The following KIF26B variants were observed in gnomAD, a reference collection of about 807,000 sequenced individuals.
KIF26B encodes the protein kinesin family member 26B.
KIF26B carries 63 observed loss-of-function variants against 151.2 expected under a neutral mutation model. The ratio of observed to expected loss-of-function variants is 0.42; its 90% CI spans 0.34 to 0.51. The LOEUF (loss-of-function observed/expected upper bound fraction) is 0.51, where lower values mean the gene tolerates loss of function less well. Among genes scored for constraint, KIF26B ranks in the 20% least tolerant of loss-of-function variants. The pLI is 0.07. For synonymous variants in KIF26B, 1,357 were observed against 1,262.1 expected (o/e 1.08, Z -1.59); for missense variants, 2,813 against 2,913.6 (o/e 0.97, Z 0.79).
chr1:245,165,343 G>T (rs1050464227), intron 2 of KIF26B, among the ~76,000 whole-genome samples: 1 of 152,190 alleles, frequency 6.6e-6, no homozygotes, highest in Non-Finnish European at 1.5e-5. Context: ...TGTGTGGGTG[G>T]TGCTGCCAGT....
At chr1:245,192,402 G>T (rs945960973) in intron 2 of KIF26B, among the ~76,000 whole-genome samples, 18 of 151,460 alleles carry the variant, frequency 1.2e-4, no homozygotes, top group Admixed American at 3.9e-4. Context: ...ATTGATGGCT[G>T]CTGGTCTCCC....
rs530307466 is a variant in KIF26B, at chr1:245,605,478, G to T, written c.1558-2173G>T. Among the ~76,000 whole-genome samples, 33 of 152,336 alleles carry T rather than the reference G, an allele frequency of 2.2e-4. 1 individual carries two copies. The highest frequency in any genetic ancestry group is 6.7e-4 in the African/African-American group (28 of 41,590). On this transcript the variant is annotated intron_variant, in intron 6 of 14. Coordinates refer to ENST00000407071, the MANE Select transcript of KIF26B (RefSeq NM_018012.4). ...TCGTTTCTAAGGAAATCAGCTTCCT[G>T]AAGCTAAACAGTGATTAGAACAGTC...
rs372284073 is a variant in KIF26B, at chr1:245,580,548, G to A, written c.1351-22029G>A. 1.8e-4 allele frequency among the ~76,000 whole-genome samples: 27 copies of A among 152,362 alleles called. No individual in the cohort carries two copies. The East Asian group carries it at 3.5e-3, about 20-fold the overall frequency. On this transcript the variant is annotated intron_variant, in intron 5 of 14. Transcript: ENST00000407071. ...AGGGAACCATGTTGGGGGGACAGAGGAAAGGAAGGTGTGGCGGAGCCTCCG... is the reference window on the plus strand; with the variant it reads ...AGGGAACCATGTTGGGGGGACAGAGAAAAGGAAGGTGTGGCGGAGCCTCCG...
intron 5 of KIF26B, among the ~76,000 whole-genome samples, chr1:245,568,643 A>G (rs1464892088): frequency 6.6e-6 from 1 of 152,228 alleles, no homozygotes; most frequent in Admixed American, 6.5e-5. Context: ...CAGCAACATC[A>G]CAGCTGGCCC....
At chr1:245,409,576 T>C (rs527726059) in intron 3 of KIF26B, among the ~76,000 whole-genome samples, 1 of 152,338 alleles carries the variant, frequency 6.6e-6, no homozygotes, top group South Asian at 2.1e-4. Context: ...AATTCTCTTT[T>C]GCAAGAGGTC....
chr1:245,354,849 G>A (rs1672650132), intron 2 of KIF26B, among the ~76,000 whole-genome samples: 1 of 152,254 alleles, frequency 6.6e-6, no homozygotes, highest in Admixed American at 6.5e-5. Flanking sequence ...GGAATCAGAG[G>A]AGAGCACCTA....
At chr1:245,614,026 G>A (rs1016053771) in intron 9 of KIF26B, among the ~76,000 whole-genome samples, 2 of 152,150 alleles carry the variant, frequency 1.3e-5, no homozygotes, top group African/African-American at 4.8e-5. Flanking sequence ...CCAGGATATC[G>A]TGGGAATGGA....
intron 3 of KIF26B, among the ~76,000 whole-genome samples, chr1:245,374,647 C>G (rs1489889575): frequency 1.3e-5 from 2 of 152,136 alleles, no homozygotes; most frequent in African/African-American, 4.8e-5. Context: ...CACGATTAGA[C>G]CAATTATGAC....
At chr1:245,281,282 T>G (rs1671044964) in intron 2 of KIF26B, among the ~76,000 whole-genome samples, 1 of 77,474 alleles carries the variant, frequency 1.3e-5, no homozygotes, top group South Asian at 4.5e-4. Flanking sequence ...TCCTGACTTT[T>G]TAATGATTGC....
At chr1:245,428,994 G>C (rs1025238363) in intron 4 of KIF26B, among the ~76,000 whole-genome samples, 1 of 150,736 alleles carries the variant, frequency 6.6e-6, no homozygotes. Flanking sequence ...GGGGGTGGGG[G>C]GCAGTGGTTA....
rs1672970011 is a variant in KIF26B, at chr1:245,366,994, C to A, written c.626C>A (p.Ala209Asp). 1 of 1,613,714 alleles carries A rather than the reference C, an allele frequency of 6.2e-7. No homozygotes were observed. The highest frequency in any genetic ancestry group is 1.3e-5 in the African/African-American group (1 of 74,926). Residue 209 changes from alanine to aspartate, a missense_variant, in exon 3 of 15, where the codon GCC (alanine) becomes GAC (aspartate). Around this residue, in one of 3 missense-constraint regions of KIF26B, gnomAD observed 676 missense variants for 688.1 expected, o/e 0.98. Transcript: ENST00000407071. Reference sequence around the variant, plus strand: ...ATGGTGCTGACGTTGGAGCAGGCAGCCGGCAGTGAGCACTACGACGCCTCG... The same window carrying A: ...ATGGTGCTGACGTTGGAGCAGGCAGACGGCAGTGAGCACTACGACGCCTCG... ...IQMVLTLEQAAGSEHYDASPC... is the reference protein window; with the variant it reads ...IQMVLTLEQADGSEHYDASPC...
At chr1:245,172,404 A>G (rs895603677) in intron 2 of KIF26B, among the ~76,000 whole-genome samples, 4 of 152,186 alleles carry the variant, frequency 2.6e-5, no homozygotes, top group African/African-American at 4.8e-5. Context: ...GAGAGGAGTT[A>G]GTGAGAGAAG....
chr1:245,348,855 C>T (rs905298993), intron 2 of KIF26B, among the ~76,000 whole-genome samples: 3 of 152,294 alleles, frequency 2.0e-5, no homozygotes, highest in East Asian at 1.9e-4. Flanking sequence ...CTGCCTGGGT[C>T]GCTTCCCCAC....
intron 2 of KIF26B, among the ~76,000 whole-genome samples, chr1:245,201,842 C>G (rs1161408083): frequency 6.6e-6 from 1 of 152,186 alleles, no homozygotes; most frequent in Non-Finnish European, 1.5e-5. Flanking sequence ...TTACCCCCAG[C>G]TACTCTGCAG....
At chr1:245,437,053 A>G (rs1169357483) in intron 4 of KIF26B, among the ~76,000 whole-genome samples, 1 of 151,914 alleles carries the variant, frequency 6.6e-6, no homozygotes, top group African/African-American at 2.4e-5. Flanking sequence ...TGCCTGGCTA[A>G]TTTTTGTAAT....
intron 2 of KIF26B, among the ~76,000 whole-genome samples, chr1:245,161,943 T>G (rs150603044): frequency 2.0e-5 from 3 of 152,010 alleles, no homozygotes; most frequent in African/African-American, 4.8e-5. Flanking sequence ...AGGTTCTGAG[T>G]TGAGGAATTG....
chr1:245,492,338 A>T (rs1660425440), intron 4 of KIF26B, among the ~76,000 whole-genome samples: 1 of 152,226 alleles, frequency 6.6e-6, no homozygotes, highest in African/African-American at 2.4e-5. Flanking sequence ...CTTTTTGTTG[A>T]AGATGATATC....
intron 10 of KIF26B, among the ~76,000 whole-genome samples, chr1:245,660,499 G>A (rs2044124282): frequency 6.6e-6 from 1 of 151,094 alleles, no homozygotes; most frequent in African/African-American, 2.4e-5. Context: ...CACCATGCCT[G>A]GTTAATTTTT....
intron 2 of KIF26B, among the ~76,000 whole-genome samples, chr1:245,156,921 G>T (rs533217706): frequency 5.8e-4 from 88 of 152,310 alleles, no homozygotes; most frequent in Non-Finnish European, 1.2e-3. Context: ...AGGGGCGCCC[G>T]TGGCCACAGG....
Sources: gnomAD v4.1 joint callset for allele counts (sites outside exome capture counted in the v4.1 genomes callset) on GRCh38, gnomAD v4.1.1 for gene constraint, gnomAD v4.1.1 regional missense constraint, MANE v1.5 for transcripts, NCBI Gene and HGNC (gene_info 2026-07-23, HGNC 2026-07-21) for gene names.